The following ZFR variants were observed in gnomAD, a reference collection of about 807,000 sequenced individuals.
ZFR encodes the protein zinc finger RNA binding protein, also known as zinc finger RNA-binding protein.
Under a neutral mutation model 130.7 loss-of-function variants are expected in ZFR, and 19 were observed. The observed-to-expected ratio is 0.15, with a 90% CI of 0.10 to 0.21. The LOEUF is 0.21. ZFR is among the 10% of genes least tolerant of loss of function. The probability of loss-of-function intolerance (pLI) is 1.00; values close to 1 mark genes in which losing one functional copy is unlikely to be tolerated. For synonymous variants in ZFR, 466 were observed against 456.9 expected, an observed-to-expected ratio of 1.02 and a Z score of -0.25; for missense variants, 872 against 1,321.5, an observed-to-expected ratio of 0.66 and a Z score of 5.27.
chr5:32,370,994 G>C (rs1279172163), intron 17 of ZFR, among the ~76,000 whole-genome samples: 1 of 152,172 alleles, frequency 6.6e-6, no homozygotes, highest in Non-Finnish European at 1.5e-5. Context: ...AAATTTATTT[G>C]ATAACAGAAA....
chr5:32,388,341 G>T, intron 13 of ZFR, 128 bp downstream of exon 13: 5 of 871,140 alleles, frequency 5.7e-6, no homozygotes, highest in South Asian at 1.9e-5. Context: ...ATGAAATATC[G>T]AACACAGGCA....
chr5:32,436,860 T>C (rs1300953785), intron 2 of ZFR, among the ~76,000 whole-genome samples: 2 of 152,240 alleles, frequency 1.3e-5, no homozygotes, highest in Non-Finnish European at 2.9e-5. Flanking sequence ...GTTTTTGTTT[T>C]TAATTTAAGT....
intron 11 of ZFR, among the ~76,000 whole-genome samples, chr5:32,391,200 C>T (rs1753164285): frequency 6.6e-6 from 1 of 152,256 alleles, no homozygotes; most frequent in Admixed American, 6.5e-5. Context: ...AGCATGTCCA[C>T]ACAGTATACA....
Position 32,397,899 on chromosome 5 carries a change from T to C in ZFR, c.1714-561A>G, listed in dbSNP as rs574422045. On this transcript the variant is annotated intron_variant, in intron 9 of 19. Transcript: ENST00000265069. ...TTGAGATGGAGTCTTGCTCTGTCGC[T>C]CAGGCTGGAGTGCAGTGGTGCGATC... 1.1e-3 allele frequency among the ~76,000 whole-genome samples: 146 copies of C among 126,976 alleles called. 1 individual carries two copies. Among genetic ancestry groups the C allele is most frequent in the Middle Eastern group, 4.9e-3 (1 of 204 alleles). 83.3% of individuals were successfully genotyped at this position (126,976 alleles called of 152,430 possible).
intron 17 of ZFR, among the ~76,000 whole-genome samples, chr5:32,375,847 GTT>G (rs776220828): frequency 1.4e-5 from 2 of 140,986 alleles, no homozygotes; most frequent in Non-Finnish European, 3.1e-5. Context: ...TTTTAAATTA[GTT>G]TTTTTTTTTT....
At chr5:32,366,654 T>G (rs1407603280) in intron 17 of ZFR, among the ~76,000 whole-genome samples, 1 of 151,880 alleles carries the variant, frequency 6.6e-6, no homozygotes, top group African/African-American at 2.4e-5. Flanking sequence ...AAAAGAGCAA[T>G]GAAAATAGAA....
chr5:32,378,976 C>T lies in ZFR; in HGVS notation c.2835+139G>A, dbSNP rs114432646. Reference sequence around the variant, plus strand: ...AGAAAATTAAACATTCTAAGACTCCCCCAGGATTTTTCATCAGAAAAGAAA... The same window carrying T: ...AGAAAATTAAACATTCTAAGACTCCTCCAGGATTTTTCATCAGAAAAGAAA... On this transcript the variant is annotated intron_variant, in intron 17 of 19. Transcript: ENST00000265069. 1.9e-4 allele frequency: 110 copies of T among 580,992 alleles called. 1 individual carries two copies. In the South Asian group the frequency reaches 2.7e-3, roughly 15 times the overall value. 36.0% of individuals were successfully genotyped at this position (580,992 alleles called of 1,614,324 possible).
At chr5:32,355,967 G>A in intron 19 of ZFR, 28 bp from the exon 20 acceptor site, 1 of 1,547,398 alleles carries the variant, frequency 6.5e-7, no homozygotes, top group Admixed American at 2.1e-5. Context: ...AGAATTTTGA[G>A]TTAATTGAAA....
rs897277358 is a variant in ZFR, at chr5:32,409,140, T to C, written c.785-2119A>G. ...GAATCTCTCTCAAGCTTTATATCAC[T>C]CTTTGCCCATCCATTACCACTTACA... is the stretch of plus-strand genomic sequence containing the variant. On this transcript the variant is annotated intron_variant, in intron 5 of 19. Coordinates refer to ENST00000265069, the MANE Select transcript of ZFR (RefSeq NM_016107.5). Among the ~76,000 whole-genome samples, 9 of 152,310 alleles carry C rather than the reference T, an allele frequency of 5.9e-5. No homozygotes were observed. The East Asian group carries it at 1.3e-3, about 23-fold the overall frequency.
At chr5:32,403,020 G>A in intron 8 of ZFR, 86 bp downstream of exon 8, 1 of 1,388,206 alleles carries the variant, frequency 7.2e-7, no homozygotes, top group Middle Eastern at 1.9e-4. Flanking sequence ...GCAGGTCCAA[G>A]AACACAGGGA....
At chr5:32,385,731 T>G in intron 14 of ZFR, 82 bp from the exon 15 acceptor site, 1 of 1,505,356 alleles carries the variant, frequency 6.6e-7, no homozygotes, top group Non-Finnish European at 9.1e-7. Context: ...TCTTTCACTC[T>G]CTTACTACCC....
Position 32,385,639 on chromosome 5 carries a change from G to T in ZFR, c.2510C>A (p.Pro837His), listed in dbSNP as rs771040138. The T allele has an allele frequency of 6.2e-7, 1 of 1,612,960 alleles. No individual in the cohort carries two copies. Among genetic ancestry groups the T allele is most frequent in the East Asian group, 2.2e-5 (1 of 44,808 alleles). ...AGCACATTTTATGTCATACTTCTCA[G>T]GGCTTATAACCTGTGTAATGAAGAT... ...NLPKQLAVIS[P>H]EKYDIKCAVS... The change falls in exon 15 of 20, where the codon CCT (proline) becomes CAT (histidine). Residue 837 changes from proline to histidine, a missense_variant. Physicochemically the swap from Pro to His is moderately conservative, Grantham distance 77. Around this residue, in one of 7 missense-constraint regions of ZFR, gnomAD observed 225 missense variants for 282.4 expected, o/e 0.80. Transcript: ENST00000265069.
At chr5:32,426,789 G>C (rs996456208) in intron 2 of ZFR, among the ~76,000 whole-genome samples, 3 of 151,898 alleles carry the variant, frequency 2.0e-5, no homozygotes, top group South Asian at 2.1e-4. Context: ...TGTAGCCCCA[G>C]CTACTTGGGA....
At chr5:32,427,943 A>T (rs1288311119) in intron 2 of ZFR, among the ~76,000 whole-genome samples, 3 of 152,222 alleles carry the variant, frequency 2.0e-5, no homozygotes, top group Middle Eastern at 3.2e-3. Flanking sequence ...GCTTCACCTT[A>T]CAAAATATAC....
At chr5:32,386,290 T>C (rs890904619) in intron 14 of ZFR, among the ~76,000 whole-genome samples, 4 of 152,112 alleles carry the variant, frequency 2.6e-5, no homozygotes, top group Admixed American at 6.5e-5. Flanking sequence ...AAAATAATTG[T>C]ACCTAACCTA....
intron 17 of ZFR, among the ~76,000 whole-genome samples, chr5:32,366,510 A>G (rs1430836190): frequency 6.6e-6 from 1 of 152,238 alleles, no homozygotes; most frequent in Non-Finnish European, 1.5e-5. Flanking sequence ...ATGGAACACA[A>G]AAAAGTCAAT....
At position 32,400,151 on chromosome 5, in the gene ZFR, G is replaced by A. The variant is rs142273368; in HGVS notation, c.1569C>T (p.Thr523=). The A allele has an allele frequency of 6.0e-5, 97 of 1,611,564 alleles. No individual in the cohort carries two copies. Among genetic ancestry groups the A allele is most frequent in the Non-Finnish European group, 7.6e-5 (90 of 1,178,692 alleles). ...TGNKAEDIKG[T]ECVKSTPVTS... ...TGACAGGAGTACTTTTAACACATTC[G>A]GTTCCTTTTATGTCTTCTGCTTTAT... The change falls in exon 9 of 20, where the codon ACC becomes ACT. Residue 523 remains threonine, a synonymous_variant. Transcript: ENST00000265069.
At chr5:32,397,467 T>TC (rs1003903342) in intron 9 of ZFR, 129 bp from the exon 10 acceptor site, 6 of 1,189,932 alleles carry the variant, frequency 5.0e-6, no homozygotes, top group African/African-American at 3.1e-5. Context: ...ATTTTTTTTT[T>TC]CCCCAGGACA....
intron 12 of ZFR, 58 bp from the exon 13 acceptor site, chr5:32,388,732 A>C: frequency 8.5e-6 from 12 of 1,413,384 alleles, no homozygotes; most frequent in Non-Finnish European, 1.2e-5. Context: ...AAAGCAAATT[A>C]TATTTTTCAA....
Sources: allele counts gnomAD v4.1 joint callset (sites outside exome capture counted in the v4.1 genomes callset), GRCh38; gene constraint gnomAD v4.1.1; regional missense constraint gnomAD v4.1.1; transcripts MANE v1.5; gene names NCBI Gene and HGNC (gene_info 2026-07-23, HGNC 2026-07-21).